The following DSCAM variants were observed in gnomAD, a reference collection of about 807,000 sequenced individuals.
DSCAM encodes the protein cell adhesion molecule DSCAM.
DSCAM carries 47 observed loss-of-function variants against 217.7 expected under a neutral mutation model. The observed-to-expected ratio is 0.22, with a 90% CI of 0.17 to 0.28. The LOEUF (loss-of-function observed/expected upper bound fraction) is 0.28, where lower values mean the gene tolerates loss of function less well. DSCAM is among the 10% of genes least tolerant of loss of function. DSCAM has a pLI of 1.00. For synonymous variants in DSCAM, 1,056 were observed against 1,015.3 expected (o/e 1.04, Z -0.76); for missense variants, 2,080 against 2,618.3 (o/e 0.79, Z 4.49).
chr21:40,781,877 G>A (rs2091547166), intron 1 of DSCAM, among the ~76,000 whole-genome samples: 2 of 151,456 alleles, frequency 1.3e-5, no homozygotes, highest in Admixed American at 1.3e-4. Flanking sequence ...GGCTGGGCGC[G>A]GTGGCTCACG....
chr21:40,564,552 G>A (rs1233788032), intron 3 of DSCAM, among the ~76,000 whole-genome samples: 1 of 152,114 alleles, frequency 6.6e-6, no homozygotes, highest in Non-Finnish European at 1.5e-5. Context: ...ACTTAGGGCT[G>A]AGGACAGCAC....
intron 11 of DSCAM, among the ~76,000 whole-genome samples, chr21:40,205,557 T>A (rs1383729680): frequency 6.7e-6 from 1 of 149,230 alleles, no homozygotes; most frequent in African/African-American, 2.5e-5. Flanking sequence ...GAGCTGAGAT[T>A]GCACCATTGC....
At chr21:40,773,018 G>A (rs574634476) in intron 1 of DSCAM, among the ~76,000 whole-genome samples, 1 of 152,336 alleles carries the variant, frequency 6.6e-6, no homozygotes, top group East Asian at 1.9e-4. Flanking sequence ...TGCCACAGGT[G>A]GATCATATCC....
intron 2 of DSCAM, among the ~76,000 whole-genome samples, chr21:40,696,987 G>T (rs2090602767): frequency 6.6e-6 from 1 of 152,068 alleles, no homozygotes; most frequent in Non-Finnish European, 1.5e-5. Context: ...TACTGTGCCA[G>T]CAAATGTTAG....
intron 32 of DSCAM, among the ~76,000 whole-genome samples, chr21:40,041,830 A>T (rs954558259): frequency 1.3e-5 from 2 of 152,168 alleles, no homozygotes; most frequent in Non-Finnish European, 2.9e-5. Flanking sequence ...CAGTTTTAAA[A>T]TACAGCCCTC....
At chr21:40,516,277 C>A (rs2076298818) in intron 3 of DSCAM, among the ~76,000 whole-genome samples, 1 of 152,146 alleles carries the variant, frequency 6.6e-6, no homozygotes. Flanking sequence ...TATAATACTT[C>A]TGCTGAAATA....
intron 3 of DSCAM, among the ~76,000 whole-genome samples, chr21:40,619,843 G>GA (rs35632591): frequency 0.1 from 13,468 of 129,716 alleles, 726 homozygotes; most frequent in East Asian, 0.22. Flanking sequence ...AGCATGTAAA[G>GA]AAAAAAAAAA....
At chr21:40,423,371 C>CATGT (rs2075442999) in intron 3 of DSCAM, among the ~76,000 whole-genome samples, 1 of 151,828 alleles carries the variant, frequency 6.6e-6, no homozygotes, top group South Asian at 2.1e-4. Flanking sequence ...AGATTGAGAA[C>CATGT]ATGTATGTAA....
rs945712784 is a variant in DSCAM at position 40,026,773 on chromosome 21, C to T, written c.5687-13387G>A. Among the ~76,000 whole-genome samples, 31 of 142,222 alleles carry T rather than the reference C, an allele frequency of 2.2e-4. 1 individual carries two copies. The East Asian group carries it at 2.5e-3, about 11-fold the overall frequency. The allele number at this position is 142,222 out of a possible 152,430, so 93.3% of individuals were successfully genotyped here. On this transcript the variant is annotated intron_variant, in intron 32 of 32. Transcript: ENST00000400454. ...TTTTGAGCCTATGTGTGTCTCTGCA[C>T]GTGAGATGGGTCTCCTGAATACAGC...
intron 3 of DSCAM, among the ~76,000 whole-genome samples, chr21:40,430,837 C>T (rs776980691): frequency 8.5e-5 from 13 of 152,176 alleles, no homozygotes; most frequent in African/African-American, 2.7e-4. Context: ...CCGTGTGCGA[C>T]GCACTTGAGG....
At chr21:40,345,028 T>C (rs2074543136) in intron 6 of DSCAM, among the ~76,000 whole-genome samples, 1 of 152,208 alleles carries the variant, frequency 6.6e-6, no homozygotes, top group East Asian at 1.9e-4. Context: ...TCACTGATAC[T>C]TTCTTCTTCC....
chr21:40,824,403 ATTT>A (rs536114434), intron 1 of DSCAM, among the ~76,000 whole-genome samples: 18 of 120,982 alleles, frequency 1.5e-4, no homozygotes, highest in African/African-American at 2.8e-4. Context: ...TTTATTATTG[ATTT>A]TTTTTTTTTT....
chr21:40,365,560 C>T (rs1205757239), intron 4 of DSCAM, among the ~76,000 whole-genome samples: 1 of 152,144 alleles, frequency 6.6e-6, no homozygotes, highest in Non-Finnish European at 1.5e-5. Flanking sequence ...TTTATATATA[C>T]ATCTATCCTA....
At chr21:40,819,158 T>C (rs1319558652) in intron 1 of DSCAM, among the ~76,000 whole-genome samples, 1 of 152,192 alleles carries the variant, frequency 6.6e-6, no homozygotes, top group Non-Finnish European at 1.5e-5. Context: ...AGCTGATTAT[T>C]TTAGGACTGG....
chr21:40,605,483 T>C (rs2089221534), intron 3 of DSCAM, among the ~76,000 whole-genome samples: 1 of 152,216 alleles, frequency 6.6e-6, no homozygotes, highest in African/African-American at 2.4e-5. Flanking sequence ...GGCCAAATGA[T>C]AAATATTTTT....
intron 3 of DSCAM, among the ~76,000 whole-genome samples, chr21:40,580,369 C>A (rs1470600789): frequency 6.6e-6 from 1 of 151,894 alleles, no homozygotes; most frequent in Non-Finnish European, 1.5e-5. Context: ...CCCGTCTCTA[C>A]TAAAAATACA....
chr21:40,683,141 T>C (rs541098473), intron 3 of DSCAM, among the ~76,000 whole-genome samples: 1 of 152,308 alleles, frequency 6.6e-6, no homozygotes, highest in Non-Finnish European at 1.5e-5. Flanking sequence ...TAAATTGCTG[T>C]TGTTTAAGCC....
intron 3 of DSCAM, among the ~76,000 whole-genome samples, chr21:40,644,317 G>A (rs2089918045): frequency 6.6e-6 from 1 of 152,218 alleles, no homozygotes; most frequent in Non-Finnish European, 1.5e-5. Context: ...TGGTTTATCT[G>A]TAGTTGGGAC....
intron 4 of DSCAM, 89 bp from the exon 5 acceptor site, chr21:40,353,832 C>A: frequency 8.5e-7 from 1 of 1,174,556 alleles, no homozygotes; most frequent in Non-Finnish European, 1.1e-6. Context: ...AACTTAAATA[C>A]GGTGCATCAT....
Sources: allele counts gnomAD v4.1 joint callset (sites outside exome capture counted in the v4.1 genomes callset), GRCh38; gene constraint gnomAD v4.1.1; transcripts MANE v1.5; gene names NCBI Gene and HGNC (gene_info 2026-07-23, HGNC 2026-07-21).